AOAH: variants seen among roughly 807,000 people sequenced by gnomAD.
AOAH encodes acyloxyacyl hydrolase (neutrophil).
AOAH carries 64 observed loss-of-function variants against 92.2 expected under a neutral mutation model. That is an observed-to-expected ratio of 0.69 (90% CI 0.57 to 0.86). AOAH has a LOEUF of 0.86. AOAH is among the 40% of genes least tolerant of loss of function. The pLI is 0.00. For missense variants in AOAH, 656 were observed against 694.6 expected, an observed-to-expected ratio of 0.94 and a Z score of 0.62; for synonymous variants, 263 against 254.5, an observed-to-expected ratio of 1.03 and a Z score of -0.32.
At chr7:36,686,877 T>A (rs1797059422) in intron 1 of AOAH, 83 bp from the exon 2 acceptor site, 2 of 399,968 alleles carry the variant, frequency 5.0e-6, no homozygotes, top group Non-Finnish European at 4.0e-6. Flanking sequence ...GATGCGTGTG[T>A]GTGTGTGTGT....
At chr7:36,542,269 G>C (rs1362182200) in intron 15 of AOAH, among the ~76,000 whole-genome samples, 1 of 152,180 alleles carries the variant, frequency 6.6e-6, no homozygotes, top group East Asian at 1.9e-4. Context: ...CAAAAGGAAG[G>C]ATTTTTCCCT....
intron 1 of AOAH, among the ~76,000 whole-genome samples, chr7:36,689,464 A>G (rs983212060): frequency 6.6e-6 from 1 of 152,190 alleles, no homozygotes; most frequent in Non-Finnish European, 1.5e-5. Context: ...CATAGATGGC[A>G]CCTTCTGCTG....
chr7:36,513,694 C>T (rs560376517), intron 20 of AOAH, among the ~76,000 whole-genome samples: 1 of 152,318 alleles, frequency 6.6e-6, no homozygotes, highest in South Asian at 2.1e-4. Context: ...CGGTTGCCAT[C>T]CAGCCTGAAG....
At chr7:36,649,917 G>A (rs551397939) in intron 4 of AOAH, among the ~76,000 whole-genome samples, 1 of 152,330 alleles carries the variant, frequency 6.6e-6, no homozygotes, top group South Asian at 2.1e-4. Context: ...CTAAATGCCT[G>A]GATTCATCCT....
intron 2 of AOAH, among the ~76,000 whole-genome samples, chr7:36,682,038 G>A (rs955236533): frequency 1.1e-4 from 16 of 152,360 alleles, no homozygotes; most frequent in Non-Finnish European, 1.8e-4. Context: ...GCTGACAGGT[G>A]TTGAGCAGAA....
intron 11 of AOAH, among the ~76,000 whole-genome samples, chr7:36,601,135 A>G (rs1470451532): frequency 6.6e-6 from 1 of 152,204 alleles, no homozygotes; most frequent in East Asian, 1.9e-4. Context: ...GAGAGAGGAT[A>G]TATCATCTGG....
intron 19 of AOAH, among the ~76,000 whole-genome samples, chr7:36,525,729 A>G (rs1264929311): frequency 6.6e-6 from 1 of 152,248 alleles, no homozygotes; most frequent in African/African-American, 2.4e-5. Flanking sequence ...GTAAGTATAC[A>G]TAATGCATAT....
chr7:36,697,069 T>C (rs1276728472), intron 1 of AOAH, among the ~76,000 whole-genome samples: 1 of 152,162 alleles, frequency 6.6e-6, no homozygotes, highest in Admixed American at 6.5e-5. Context: ...GAATCTTGAG[T>C]ACAATGTTGA....
At chr7:36,640,924 T>C (rs1793856957) in intron 4 of AOAH, among the ~76,000 whole-genome samples, 1 of 151,850 alleles carries the variant, frequency 6.6e-6, no homozygotes. Context: ...GAAAGGTGAG[T>C]AAGTCAGAGA....
At chr7:36,558,354 T>C (rs1467959499) in intron 13 of AOAH, among the ~76,000 whole-genome samples, 1 of 152,172 alleles carries the variant, frequency 6.6e-6, no homozygotes, top group African/African-American at 2.4e-5. Context: ...AAGTTTTGTC[T>C]CAGAGGAGTA....
At chr7:36,642,994 G>C (rs1794005353) in intron 4 of AOAH, among the ~76,000 whole-genome samples, 1 of 152,168 alleles carries the variant, frequency 6.6e-6, no homozygotes, top group Admixed American at 6.5e-5. Context: ...GACAAAGATT[G>C]TACTTAAAAT....
At chr7:36,689,284 T>C (rs1797243149) in intron 1 of AOAH, among the ~76,000 whole-genome samples, 1 of 152,198 alleles carries the variant, frequency 6.6e-6, no homozygotes, top group Admixed American at 6.5e-5. Flanking sequence ...CAAGGAAGAA[T>C]ATGGTGGAGA....
Position 36,709,032 on chromosome 7 carries a change from G to A in AOAH, c.127+14990C>T, listed in dbSNP as rs145341065. On this transcript the variant is annotated intron_variant, in intron 1 of 20. Coordinates refer to ENST00000617537, the MANE Select transcript of AOAH (RefSeq NM_001637.4). ...TGCTGAGCTCTTTTAGGTCTCCCCC[G>A]ACACATGCATGGTTTCCCAATCAAC... Among the ~76,000 whole-genome samples the A allele has an allele frequency of 7.9e-4, 120 of 152,148 alleles. 1 individual carries two copies. Among genetic ancestry groups the A allele is most frequent in the African/African-American group, 2.3e-3 (94 of 41,516 alleles).
chr7:36,671,730 G>T (rs549736869), intron 3 of AOAH, among the ~76,000 whole-genome samples: 83 of 152,050 alleles, frequency 5.5e-4, no homozygotes, highest in Non-Finnish European at 1.0e-3. Flanking sequence ...GAGGTAGGGG[G>T]TAGAGGTTTT....
At chr7:36,524,349 C>G (rs1210158149) in intron 19 of AOAH, among the ~76,000 whole-genome samples, 1 of 151,800 alleles carries the variant, frequency 6.6e-6, no homozygotes, top group African/African-American at 2.4e-5. Flanking sequence ...GAATTCATGC[C>G]CATGAATTCA....
intron 12 of AOAH, among the ~76,000 whole-genome samples, chr7:36,581,872 G>A (rs867827669): frequency 2.6e-5 from 4 of 152,232 alleles, no homozygotes; most frequent in Middle Eastern, 3.4e-3. Context: ...CATAGTAAAA[G>A]ATACTGCTTT....
At position 36,628,800 on chromosome 7, in the gene AOAH, G is replaced by A. The variant is rs541776132; in HGVS notation, c.521+3236C>T. The stretch of plus-strand genomic sequence containing the variant: ...TTTATCGAAGGAATATGCCACAGAA[G>A]ACACGCAGGTCTTGTCTCTACCACG... On this transcript the variant is annotated intron_variant, in intron 6 of 20. Coordinates refer to ENST00000617537, the MANE Select transcript of AOAH (RefSeq NM_001637.4). Among the ~76,000 whole-genome samples the A allele has an allele frequency of 4.6e-5, 7 of 152,318 alleles. No homozygotes were observed. In the South Asian group the frequency reaches 1.4e-3, roughly 32 times the overall value.
At chr7:36,536,913 G>A (rs965877044) in intron 16 of AOAH, among the ~76,000 whole-genome samples, 22 of 115,888 alleles carry the variant, frequency 1.9e-4, no homozygotes, top group Non-Finnish European at 3.2e-4. Flanking sequence ...TCGCACCACT[G>A]CATTCCAGCC....
chr7:36,629,124 C>T (rs1191148087), intron 6 of AOAH, among the ~76,000 whole-genome samples: 1 of 152,228 alleles, frequency 6.6e-6, no homozygotes, highest in Non-Finnish European at 1.5e-5. Context: ...CATGAGACTG[C>T]ATTTATATGT....
Sources: gnomAD v4.1 joint callset for allele counts (sites outside exome capture counted in the v4.1 genomes callset) on GRCh38, gnomAD v4.1.1 for gene constraint, MANE v1.5 for transcripts, NCBI Gene and HGNC (gene_info 2026-07-23, HGNC 2026-07-21) for gene names.